The following PGM3 variants were observed in gnomAD, a reference collection of about 807,000 sequenced individuals.
PGM3 encodes the protein phosphoacetylglucosamine mutase.
Under a neutral mutation model 66.2 loss-of-function variants are expected in PGM3, and 40 were observed. The ratio of observed to expected loss-of-function variants is 0.60; its 90% CI spans 0.47 to 0.79. PGM3 has a LOEUF of 0.79. Ranked by LOEUF, PGM3 falls within the 30% of genes least tolerant of loss-of-function variation. PGM3 has a pLI of 0.00. For synonymous variants in PGM3, 191 were observed against 224.2 expected (o/e 0.85, Z 1.32); for missense variants, 537 against 643.4 (o/e 0.83, Z 1.79).
At position 83,166,531 on chromosome 6, in the gene PGM3, T is replaced by C. The variant is rs998583079; in HGVS notation, c.*2703A>G. Reference sequence around the variant, plus strand: ...CTAACATCATTTCCATAGTCTAAAATAAATATAAACAGCAATAAGTCATTA... The same window carrying C: ...CTAACATCATTTCCATAGTCTAAAACAAATATAAACAGCAATAAGTCATTA... On this transcript the variant is annotated 3_prime_UTR_variant, in exon 13 of 13. Transcript: ENST00000513973. The C allele has an allele frequency of 3.0e-6, 2 of 658,990 alleles. No homozygotes were observed. The highest frequency in any genetic ancestry group is 2.3e-5 in the Admixed American group (1 of 44,166). The allele number at this position is 658,990 out of a possible 1,614,324, so 40.8% of individuals were successfully genotyped here.
chr6:83,191,945 G>GGT lies in PGM3; in HGVS notation c.-2-932_-2-931insAC, dbSNP rs1307977728. On this transcript the variant is annotated intron_variant, in intron 1 of 12. Coordinates refer to ENST00000513973, the MANE Select transcript of PGM3 (RefSeq NM_015599.3). ...CTGCACTCCAGCCTGGGTGACAAAG[G>GGT]GAGACTCGGTCTCAAAAAAAAAAAA... is the stretch of plus-strand genomic sequence containing the variant. 2.2e-3 allele frequency among the ~76,000 whole-genome samples: 241 copies of GGT among 109,156 alleles called. No homozygotes were observed. The Middle Eastern group carries it at 0.023, about 11-fold the overall frequency. 71.6% of individuals were successfully genotyped at this position (109,156 alleles called of 152,430 possible).
downstream of PGM3, among the ~76,000 whole-genome samples, chr6:83,158,916 A>G (rs2128398160): frequency 6.6e-6 from 1 of 152,306 alleles, no homozygotes; most frequent in South Asian, 2.1e-4. Flanking sequence ...CTGGTCTCTG[A>G]AACATTGCAA....
Position 83,166,950 on chromosome 6 carries a change from T to C in PGM3, c.*2284A>G, listed in dbSNP as rs1007006858. The C allele has an allele frequency of 1.7e-5, 17 of 986,532 alleles. No homozygotes were observed. The highest frequency in any genetic ancestry group is 1.9e-5 in the Non-Finnish European group (16 of 830,846). 61.1% of individuals were successfully genotyped at this position (986,532 alleles called of 1,614,324 possible). On this transcript the variant is annotated 3_prime_UTR_variant, in exon 13 of 13. Transcript: ENST00000513973. ...CATTGCTTATTTTCATTCTTTAGTG[T>C]GGAATTGTATCTGTGATTCTGCCCA...
At chr6:83,185,094 AGAC>A (rs1434873589) in intron 4 of PGM3, among the ~76,000 whole-genome samples, 7 of 152,262 alleles carry the variant, frequency 4.6e-5, no homozygotes, top group African/African-American at 9.6e-5. Flanking sequence ...ATGCTGAAAA[AGAC>A]AACCATTCTG....
At position 83,170,307 on chromosome 6, in the gene PGM3, G is replaced by A; in HGVS notation, c.1537C>T (p.Gln513Ter). ...VVRVYAEADS[Q>*]ESADHLAHEV... ...TCAATAGAACTATCCCAGCTTACTT[G>A]TGAGTCTGCTTCTGCATATACTCGG... Residue 513 changes from glutamine (Q) to a stop codon, truncating the protein, a stop_gained and splice_region_variant, in exon 12 of 13, where the codon CAA (glutamine) becomes TAA (stop). Coordinates refer to ENST00000513973, the MANE Select transcript of PGM3 (RefSeq NM_015599.3). LOFTEE classifies it high-confidence loss of function. The A allele has an allele frequency of 6.2e-7, 1 of 1,613,904 alleles. No individual in the cohort carries two copies. The highest frequency in any genetic ancestry group is 8.5e-7 in the Non-Finnish European group (1 of 1,179,830).
chr6:83,186,826 G>T (rs149209818), intron 4 of PGM3, among the ~76,000 whole-genome samples, 182 bp downstream of exon 4: 16 of 152,286 alleles, frequency 1.1e-4, no homozygotes, highest in Middle Eastern at 3.4e-3. Context: ...GACAAAACAT[G>T]CCTGCCCAGA....
chr6:83,192,279 C>A lies in PGM3; in HGVS notation c.-3+900G>T, dbSNP rs77705509. On this transcript the variant is annotated intron_variant, in intron 1 of 12. Coordinates refer to ENST00000513973, the MANE Select transcript of PGM3 (RefSeq NM_015599.3). ...GACTCCGTCTCAAAACAAACAACAA[C>A]AAAAAATCGGCCCTTAGCCCACTAA... Among the ~76,000 whole-genome samples, 361 of 152,296 alleles carry A rather than the reference C, an allele frequency of 2.4e-3. 2 individuals are homozygous for A. The highest frequency in any genetic ancestry group is 8.2e-3 in the African/African-American group (340 of 41,572).
intron 4 of PGM3, 74 bp from the exon 5 acceptor site, chr6:83,183,052 T>C (rs1449183859): frequency 7.2e-7 from 1 of 1,380,586 alleles, no homozygotes; most frequent in Non-Finnish European, 1.0e-6. Context: ...CATTCATGTG[T>C]AGGAATTTCA....
chr6:83,173,653 C>T (rs1322014120), intron 10 of PGM3, among the ~76,000 whole-genome samples: 2 of 152,148 alleles, frequency 1.3e-5, no homozygotes, highest in African/African-American at 4.8e-5. Context: ...CTTTCCTCTA[C>T]CCTGAGTACT....
At chr6:83,152,940 A>G in the PGM3 span, among the ~76,000 whole-genome samples, 1 of 152,242 alleles carries the variant, frequency 6.6e-6, no homozygotes, top group African/African-American at 2.4e-5. Flanking sequence ...GAGGTGATCT[A>G]AAGCCTGCCA....
chr6:83,190,725 T>C (rs1788978017), intron 2 of PGM3, 84 bp downstream of exon 2: 1 of 1,073,590 alleles, frequency 9.3e-7, no homozygotes, highest in South Asian at 1.4e-5. Context: ...GAATTAGAAT[T>C]TGTACTTTAG....
chr6:83,165,583 T>C lies in PGM3; in HGVS notation c.*3651A>G, dbSNP rs1043111465. On this transcript the variant is annotated 3_prime_UTR_variant, in exon 13 of 13. Coordinates refer to ENST00000513973, the MANE Select transcript of PGM3 (RefSeq NM_015599.3). ...TTTACTCCTGTAGCATAAAAATCCA[T>C]GCTTCCAAATTTGACGAACTCTTGG... 1 of 176,360 alleles carries C rather than the reference T, an allele frequency of 5.7e-6. No individual in the cohort carries two copies. The highest frequency in any genetic ancestry group is 1.2e-5 in the Non-Finnish European group (1 of 81,486). The allele number at this position is 176,360 out of a possible 1,614,324, so 10.9% of individuals were successfully genotyped here. A position where few individuals can be genotyped will look rare whatever the true frequency, so the allele number is the denominator to read the frequency against.
chr6:83,162,922 A>G (rs1458304860), downstream of PGM3: 4 of 1,610,100 alleles, frequency 2.5e-6, no homozygotes, highest in Admixed American at 3.4e-5. Context: ...GAGCAAAGGT[A>G]TCGCATTCTT....
chr6:83,191,076 CA>C, intron 1 of PGM3, 62 bp from the exon 2 acceptor site: 1 of 1,524,598 alleles, frequency 6.6e-7, no homozygotes, highest in Non-Finnish European at 9.0e-7. Flanking sequence ...CCATTTGCTT[CA>C]AAAACTGCCA....
downstream of PGM3, among the ~76,000 whole-genome samples, chr6:83,162,283 AC>A (rs1188211135): frequency 3.3e-5 from 5 of 152,096 alleles, no homozygotes; most frequent in African/African-American, 4.8e-5. Context: ...AAAATTACAA[AC>A]AAAAATACAA....
chr6:83,169,982 T>TAAAAGAAGAGAAAAGGATCATCTACCTTA, intron 12 of PGM3: 1 of 391,906 alleles, frequency 2.6e-6, no homozygotes, highest in Non-Finnish European at 4.8e-6. Flanking sequence ...AGTATATTTT[T>TAAAAGAAGAGAAAAGGATCATCTACCTTA]AAAAGAAGAG....
rs374526550 is a variant in PGM3, at chr6:83,176,072, G to A, written c.1030-12C>T. ...CAATAGACAGGTACCTATAACACAT[G>A]CATTTAAAGAAATACAGCAATTACT... On this transcript the variant is annotated splice_polypyrimidine_tract_variant and intron_variant, in intron 8 of 12. Transcript: ENST00000513973. 1.4e-6 allele frequency: 2 copies of A among 1,408,166 alleles called. No individual in the cohort carries two copies. The highest frequency in any genetic ancestry group is 2.0e-6 in the Non-Finnish European group (2 of 993,056). The allele number at this position is 1,408,166 out of a possible 1,614,324, so 87.2% of individuals were successfully genotyped here. A position where few individuals can be genotyped will look rare whatever the true frequency, so the allele number is the denominator to read the frequency against.
rs1291794142 is a variant in PGM3 at position 83,167,076 on chromosome 6, C to T, written c.*2158G>A. 1 of 984,134 alleles carries T rather than the reference C, an allele frequency of 1.0e-6. No individual in the cohort carries two copies. The highest frequency in any genetic ancestry group is 1.7e-5 in the African/African-American group (1 of 57,184). The allele number at this position is 984,134 out of a possible 1,614,324, so 61.0% of individuals were successfully genotyped here. ...GGCTTCTCAAACTAGCCTCTTAATA[C>T]CCAAATTATTAGTCTTTATATTTAG... On this transcript the variant is annotated 3_prime_UTR_variant, in exon 13 of 13. Transcript: ENST00000513973.
rs1424080458 is a variant in PGM3, at chr6:83,181,831, C to A, written c.692G>T (p.Gly231Val). ...ATCATTAAACAGCTGAACTGACAGG[C>A]CCTGTGAGAAGTAGTGTTCCATTTC... The part of the protein sequence containing the change: ...LREMEHYFSQ[G>V]LSVQLFNDGS... Residue 231 changes from glycine (G) to valine (V), a missense_variant, in exon 6 of 13, where the codon GGC (glycine) becomes GTC (valine). Coordinates refer to ENST00000513973, the MANE Select transcript of PGM3 (RefSeq NM_015599.3). 4 of 1,613,918 alleles carry A rather than the reference C, an allele frequency of 2.5e-6. No homozygotes were observed. Among genetic ancestry groups the A allele is most frequent in the Admixed American group, 1.7e-5 (1 of 60,016 alleles).
Sources: allele counts gnomAD v4.1 joint callset (sites outside exome capture counted in the v4.1 genomes callset), GRCh38; gene constraint gnomAD v4.1.1; transcripts MANE v1.5; gene names NCBI Gene and HGNC (gene_info 2026-07-23, HGNC 2026-07-21).